STUM: variants seen among roughly 807,000 people sequenced by gnomAD.
The protein encoded by STUM is protein stum homolog.
Under a neutral mutation model 15.3 loss-of-function variants are expected in STUM, and 8 were observed. The observed-to-expected ratio is 0.52, with a 90% CI of 0.31 to 0.94. STUM has a LOEUF of 0.94. Among genes scored for constraint, STUM ranks in the 40% least tolerant of loss-of-function variants. The pLI is 0.05. For synonymous variants in STUM, 78 were observed against 88.7 expected, an observed-to-expected ratio of 0.88 and a Z score of 0.68; for missense variants, 142 against 204.9, an observed-to-expected ratio of 0.69 and a Z score of 1.87.
At chr1:226,579,461 C>A (rs981892904) in intron 1 of STUM, among the ~76,000 whole-genome samples, 12 of 152,104 alleles carry the variant, frequency 7.9e-5, no homozygotes, top group Admixed American at 3.3e-4. Flanking sequence ...AGGAGATAGA[C>A]GTTACATCAG....
intron 1 of STUM, among the ~76,000 whole-genome samples, chr1:226,578,359 CTTTTTT>C (rs34568214): frequency 1.5e-5 from 1 of 67,258 alleles, no homozygotes. Context: ...CAACCCCCAG[CTTTTTT>C]TTTTTTTTTT....
At chr1:226,580,709 C>T (rs186591139) in intron 1 of STUM, among the ~76,000 whole-genome samples, 14 of 152,300 alleles carry the variant, frequency 9.2e-5, no homozygotes, top group African/African-American at 2.9e-4. Flanking sequence ...TGCCCCCTCA[C>T]AGCCTTTATC....
intron 1 of STUM, among the ~76,000 whole-genome samples, chr1:226,556,579 A>G (rs1327864335): frequency 6.6e-6 from 1 of 152,186 alleles, no homozygotes; most frequent in Non-Finnish European, 1.5e-5. Flanking sequence ...CATTAGGTTC[A>G]TGATGCCACA....
At chr1:226,562,772 C>A (rs1010875033) in intron 1 of STUM, among the ~76,000 whole-genome samples, 1 of 152,134 alleles carries the variant, frequency 6.6e-6, no homozygotes, top group African/African-American at 2.4e-5. Flanking sequence ...AAAACGTAAT[C>A]TTGAATTACA....
At position 226,602,072 on chromosome 1, in the gene STUM, G is replaced by T; in HGVS notation, c.*32G>T. On this transcript the variant is annotated 3_prime_UTR_variant, in exon 4 of 4. Transcript: ENST00000366788. ...GGGAGCCGCTGGGGAGATCCAGGGG[G>T]GCCCTGTGAGGGCTGCACCAGGCAG... 6.3e-7 allele frequency: 1 copy of T among 1,586,360 alleles called. No individual in the cohort carries two copies. The highest frequency in any genetic ancestry group is 8.6e-7 in the Non-Finnish European group (1 of 1,165,622).
At chr1:226,573,583 G>A (rs914746079) in intron 1 of STUM, among the ~76,000 whole-genome samples, 17 of 152,276 alleles carry the variant, frequency 1.1e-4, no homozygotes, top group African/African-American at 4.1e-4. Context: ...GTGACTCATA[G>A]TGATCCACAG....
intron 2 of STUM, 109 bp downstream of exon 2, chr1:226,597,090 G>T: frequency 9.3e-7 from 1 of 1,078,034 alleles, no homozygotes; most frequent in Non-Finnish European, 1.4e-6. Flanking sequence ...CGCTAAGCAC[G>T]GGCTCTGGAG....
At chr1:226,573,429 TA>T (rs1667752909) in intron 1 of STUM, among the ~76,000 whole-genome samples, 1 of 152,220 alleles carries the variant, frequency 6.6e-6, no homozygotes, top group Admixed American at 6.5e-5. Context: ...CACAGAACAG[TA>T]AAATCCAGGG....
At position 226,549,344 on chromosome 1, in the gene STUM, G is replaced by C. The variant is rs1389725433; in HGVS notation, c.202+238G>C. Among the ~76,000 whole-genome samples the C allele has an allele frequency of 6.6e-6, 1 of 152,156 alleles. No homozygotes were observed. Among genetic ancestry groups the C allele is most frequent in the Non-Finnish European group, 1.5e-5 (1 of 68,022 alleles). On this transcript the variant is annotated intron_variant, in intron 1 of 3. Transcript: ENST00000366788. This position sits in a 1 kb window ranked among gnomAD's most constrained non-coding sequence, Gnocchi z 6.8. Reference sequence around the variant, plus strand: ...CCCGCAGGCGGGGCCCCAAAGAGCCGGAAACTTTGCGGCCAATGTTGGAGC... The same window carrying C: ...CCCGCAGGCGGGGCCCCAAAGAGCCCGAAACTTTGCGGCCAATGTTGGAGC...
intron 1 of STUM, among the ~76,000 whole-genome samples, chr1:226,569,993 G>A (rs1170785706): frequency 6.6e-6 from 1 of 152,150 alleles, no homozygotes; most frequent in Admixed American, 6.5e-5. Flanking sequence ...CAGCTCACTG[G>A]TCCCTCAGGG....
Position 226,596,947 on chromosome 1 carries a change from C to T in STUM, c.348C>T (p.Ser116=), listed in dbSNP as rs752345609. The T allele has an allele frequency of 6.8e-6, 11 of 1,614,226 alleles. No individual in the cohort carries two copies. Among genetic ancestry groups the T allele is most frequent in the Non-Finnish European group, 9.3e-6 (11 of 1,180,030 alleles). Residue 116 remains serine (S), a synonymous_variant, in exon 2 of 4, where the codon AGC becomes AGT. Transcript: ENST00000366788. ...TAIVMVGWIM[S]IFWGMDMVIL... ...TCGTCATGGTGGGCTGGATCATGAG[C>T]ATCTTCTGGGGCATGGACATGGTCA... is the stretch of plus-strand genomic sequence containing the variant.
Position 226,567,216 on chromosome 1 carries a change from C to T in STUM, c.202+18110C>T, listed in dbSNP as rs999091427. ...GCCAGATTGACCTGAAATCTCTTCC[C>T]GAGCCTTGCTTTCAAAAAGCCTTTG... On this transcript the variant is annotated intron_variant, in intron 1 of 3. Coordinates refer to ENST00000366788, the MANE Select transcript of STUM (RefSeq NM_001003665.4). This position sits in a 1 kb window ranked among gnomAD's most constrained non-coding sequence, Gnocchi z 4.5. Among the ~76,000 whole-genome samples, 2 of 152,138 alleles carry T rather than the reference C, an allele frequency of 1.3e-5. No individual in the cohort carries two copies. The highest frequency in any genetic ancestry group is 2.9e-5 in the Non-Finnish European group (2 of 68,008).
At chr1:226,553,128 T>C (rs1192953284) in intron 1 of STUM, among the ~76,000 whole-genome samples, 2 of 152,168 alleles carry the variant, frequency 1.3e-5, no homozygotes, top group Admixed American at 6.5e-5. Flanking sequence ...AAAGGAGATA[T>C]GAGATTCAGG....
chr1:226,572,375 G>A (rs551246276), intron 1 of STUM, among the ~76,000 whole-genome samples: 7 of 152,268 alleles, frequency 4.6e-5, no homozygotes, highest in African/African-American at 1.7e-4. Context: ...TAGGCACTTG[G>A]CCAAATCCTG....
chr1:226,588,971 T>C (rs1251733902), intron 1 of STUM, among the ~76,000 whole-genome samples: 1 of 151,868 alleles, frequency 6.6e-6, no homozygotes, highest in Non-Finnish European at 1.5e-5. Flanking sequence ...TGAGGGAGGG[T>C]GTCCAGGTGT....
At chr1:226,594,103 G>A (rs576428015) in intron 1 of STUM, among the ~76,000 whole-genome samples, 1 of 152,292 alleles carries the variant, frequency 6.6e-6, no homozygotes, top group Non-Finnish European at 1.5e-5. Context: ...GGAGGAAAAC[G>A]AGGCAGGGTC....
At chr1:226,597,298 A>G (rs980862804) in intron 2 of STUM, 3 of 541,272 alleles carry the variant, frequency 5.5e-6, no homozygotes, top group African/African-American at 3.8e-5. Flanking sequence ...ACCAAAGACA[A>G]CTCAGTTACC....
intron 1 of STUM, among the ~76,000 whole-genome samples, chr1:226,555,119 C>G (rs1196403228): frequency 2.6e-5 from 4 of 152,226 alleles, no homozygotes; most frequent in Admixed American, 1.3e-4. Context: ...CCTCAAGGCT[C>G]TTTGCTTCCT....
At chr1:226,578,228 A>G (rs1202221883) in intron 1 of STUM, among the ~76,000 whole-genome samples, 1 of 151,558 alleles carries the variant, frequency 6.6e-6, no homozygotes, top group Non-Finnish European at 1.5e-5. Context: ...TTTTTTCTTT[A>G]TTTTTAATTT....
Sources: allele counts gnomAD v4.1 joint callset (sites outside exome capture counted in the v4.1 genomes callset), GRCh38; gene constraint gnomAD v4.1.1; non-coding constraint Gnocchi (gnomAD v3.1); transcripts MANE v1.5; gene names NCBI Gene and HGNC (gene_info 2026-07-23, HGNC 2026-07-21).